Variants in DLG3 observed in about 807,000 individuals in gnomAD.
DLG3 encodes the protein discs large MAGUK scaffold protein 3.
Under a neutral mutation model 64.1 loss-of-function variants are expected in DLG3, and 1 was observed. The ratio of observed to expected loss-of-function variants is 0.02; its 90% CI spans 0.01 to 0.07. The LOEUF (loss-of-function observed/expected upper bound fraction) is 0.07. DLG3 is among the 10% of genes least tolerant of loss of function. DLG3 has a pLI of 1.00. For synonymous variants in DLG3, 245 were observed against 259.8 expected, an observed-to-expected ratio of 0.94 and a Z score of 0.55; for missense variants, 429 against 669.5, an observed-to-expected ratio of 0.64 and a Z score of 3.96.
intron 9 of DLG3, among the ~76,000 whole-genome samples, chrX:70,476,898 A>G (rs1319914002): frequency 8.9e-5 from 10 of 112,807 alleles, no homozygotes; most frequent in Admixed American, 8.4e-4. Flanking sequence ...GGCAGCTGGA[A>G]CTCTAAGGGA....
At chrX:70,461,161 A>C (rs919528809) in intron 9 of DLG3, among the ~76,000 whole-genome samples, 3 of 111,857 alleles carry the variant, frequency 2.7e-5, no homozygotes, top group African/African-American at 9.8e-5. Flanking sequence ...TTTAGGCTGC[A>C]ACATTTTACA....
At chrX:70,475,862 A>G (rs181729126) in intron 9 of DLG3, among the ~76,000 whole-genome samples, 184 of 112,032 alleles carry the variant, frequency 1.6e-3, no homozygotes, top group Middle Eastern at 4.6e-3. Context: ...AGGATTTGCA[A>G]TTGTATTACC....
intron 9 of DLG3, among the ~76,000 whole-genome samples, chrX:70,466,149 G>T (rs1286937922): frequency 9.0e-6 from 1 of 110,813 alleles, no homozygotes; most frequent in Non-Finnish European, 1.9e-5. Flanking sequence ...CTGTAAATTT[G>T]ATAGGTTAAA....
chrX:70,468,360 C>T (rs1489365435), intron 9 of DLG3, among the ~76,000 whole-genome samples: 1 of 111,792 alleles, frequency 8.9e-6, no homozygotes, highest in African/African-American at 3.3e-5. Context: ...GTGAGCCACG[C>T]GGCACCTGGC....
At chrX:70,445,613 G>C in intron 1 of DLG3, 55 bp downstream of exon 1, 1 of 1,078,837 alleles carries the variant, frequency 9.3e-7, no homozygotes, top group South Asian at 2.0e-5. Flanking sequence ...CTGGAGAGTG[G>C]GGGCCTAGAG....
chrX:70,500,118 T>A lies in DLG3; in HGVS notation c.2145+69T>A, dbSNP rs758066346. 3.0e-6 allele frequency: 3 copies of A among 1,007,124 alleles called. No individual in the cohort carries two copies. The East Asian group carries it at 9.2e-5, about 31-fold the overall frequency. The allele number at this position is 1,007,124 out of a possible 1,213,427, so 83.0% of individuals were successfully genotyped here. A position where few individuals can be genotyped will look rare whatever the true frequency, so the allele number is the denominator to read the frequency against. On this transcript the variant is annotated intron_variant, in intron 16 of 18. Coordinates refer to ENST00000374360, the MANE Select transcript of DLG3 (RefSeq NM_021120.4). The stretch of plus-strand genomic sequence containing the variant: ...TGCCAAGGTTCCACTTGGATCCTTA[T>A]CCTTCCAACACAGGAGCTGCCCAAC...
chrX:70,475,356 T>TTTTG (rs892303842), intron 9 of DLG3, among the ~76,000 whole-genome samples: 3 of 111,301 alleles, frequency 2.7e-5, no homozygotes, highest in East Asian at 5.6e-4. Context: ...ATGGATGATT[T>TTTTG]TTTGTTTGTT....
Position 70,502,506 on chromosome X carries a change from T to C in DLG3, c.*237T>C, listed in dbSNP as rs1387149730. On this transcript the variant is annotated 3_prime_UTR_variant, in exon 19 of 19. Coordinates refer to ENST00000374360, the MANE Select transcript of DLG3 (RefSeq NM_021120.4). ...TCATTCATCATGTGACTGTGCCCAT[T>C]CCTGCATGGACCTTTCCCAAGCGCT... 2.9e-6 allele frequency: 1 copy of C among 343,082 alleles called. No homozygotes were observed. The highest frequency in any genetic ancestry group is 2.6e-5 in the African/African-American group (1 of 37,941). The allele number at this position is 343,082 out of a possible 1,213,427, so 28.3% of individuals were successfully genotyped here.
Position 70,445,707 on chromosome X carries a change from G to T in DLG3, c.357+149G>T, listed in dbSNP as rs777241248. On this transcript the variant is annotated intron_variant, in intron 1 of 18. Transcript: ENST00000374360. The stretch of plus-strand genomic sequence containing the variant: ...TTGCAGCTGGGCAAAGAGAGGCGGT[G>T]GGAAATGTGTGGTTCCCTGTGTGTG... The T allele has an allele frequency of 7.9e-3, 4,317 of 545,156 alleles. 23 individuals are homozygous for T. Among genetic ancestry groups the T allele is most frequent in the Non-Finnish European group, 0.011 (3,632 of 331,886 alleles). 44.9% of individuals were successfully genotyped at this position (545,156 alleles called of 1,213,427 possible).
intron 10 of DLG3, among the ~76,000 whole-genome samples, chrX:70,485,882 C>T (rs1286291488): frequency 3.6e-5 from 4 of 111,659 alleles, no homozygotes; most frequent in Non-Finnish European, 7.5e-5. Flanking sequence ...CTCTAGAGCA[C>T]GTACATTATC....
rs1555961574 is a variant in DLG3, at chrX:70,452,685, T to G, written c.1145+659T>G. On this transcript the variant is annotated intron_variant, in intron 7 of 18. Coordinates refer to ENST00000374360, the MANE Select transcript of DLG3 (RefSeq NM_021120.4). The stretch of plus-strand genomic sequence containing the variant: ...CATGGGCTTGGGCTCCGCCTCCGCT[T>G]CGGCCTGGAGGAGGGCTTCGCAGAG... 2 of 1,201,737 alleles carry G rather than the reference T, an allele frequency of 1.7e-6. No homozygotes were observed. The highest frequency in any genetic ancestry group is 3.5e-5 in the African/African-American group (2 of 57,145).
intron 16 of DLG3, 69 bp from the exon 17 acceptor site, chrX:70,500,402 T>A: frequency 6.4e-6 from 6 of 931,368 alleles, no homozygotes; most frequent in Non-Finnish European, 9.3e-6. Flanking sequence ...GTTTAGAATG[T>A]CACTGGATTT....
Position 70,474,514 on chromosome X carries a change from G to GA in DLG3, c.1406-4628dup, listed in dbSNP as rs1189497314. Among the ~76,000 whole-genome samples, 3 of 109,698 alleles carry GA rather than the reference G, an allele frequency of 2.7e-5. No homozygotes were observed. The Admixed American group carries it at 2.9e-4, about 11-fold the overall frequency. On this transcript the variant is annotated intron_variant, in intron 9 of 18. Transcript: ENST00000374360. ...TACAGTAATGGGGGTTTGGCATGAG[G>GA]AAAAAAAAGGCTTGGTTTTCAAGTT... is the stretch of plus-strand genomic sequence containing the variant.
Position 70,498,579 on chromosome X carries a change from CCT to C in DLG3, c.1870+12_1870+13del. 1.7e-6 allele frequency: 2 copies of C among 1,198,150 alleles called. No individual in the cohort carries two copies. The highest frequency in any genetic ancestry group is 2.3e-6 in the Non-Finnish European group (2 of 886,397). On this transcript the variant is annotated intron_variant, in intron 14 of 18. Transcript: ENST00000374360. ...AGTGACACGGCAAGAAAGTAAGCCT[CCT>C]CTGAGAGCCTTGTCTTCGTGCTGGT...
intron 1 of DLG3, chrX:70,448,660 C>G: frequency 8.7e-7 from 1 of 1,145,541 alleles, no homozygotes; most frequent in Non-Finnish European, 1.2e-6. Flanking sequence ...CTGGCTCAGT[C>G]TCAGACAATT....
intron 7 of DLG3, chrX:70,453,430 G>T: frequency 2.1e-6 from 1 of 477,813 alleles, no homozygotes; most frequent in Non-Finnish European, 3.4e-6. Flanking sequence ...CCCTCGGGAA[G>T]AAGGGAGGGA....
chrX:70,495,519 A>T, intron 13 of DLG3, 66 bp downstream of exon 13: 1 of 1,025,893 alleles, frequency 9.7e-7, no homozygotes, highest in Non-Finnish European at 1.4e-6. Context: ...GGGTGGGGCT[A>T]TTGGGGACAT....
intron 10 of DLG3, among the ~76,000 whole-genome samples, chrX:70,489,985 C>T (rs1323364744): frequency 1.8e-5 from 2 of 110,974 alleles, no homozygotes; most frequent in African/African-American, 6.6e-5. Context: ...GCCTCAGCCT[C>T]CCGAGTAGCT....
At chrX:70,481,629 T>TCA (rs2087157451) in intron 10 of DLG3, among the ~76,000 whole-genome samples, 2 of 112,128 alleles carry the variant, frequency 1.8e-5, no homozygotes, top group Non-Finnish European at 3.8e-5. Flanking sequence ...GAAGCGTGCA[T>TCA]CTGCTTTTCA....
Sources: gnomAD v4.1 joint callset for allele counts (sites outside exome capture counted in the v4.1 genomes callset) on GRCh38, gnomAD v4.1.1 for gene constraint, MANE v1.5 for transcripts, NCBI Gene and HGNC (gene_info 2026-07-23, HGNC 2026-07-21) for gene names.